EIF3A: variants seen among roughly 807,000 people sequenced by gnomAD.
EIF3A encodes eukaryotic translation initiation factor 3 subunit A, also known as EIF3, p180 subunit.
Under a neutral mutation model 186.6 loss-of-function variants are expected in EIF3A, and 21 were observed. That is an observed-to-expected ratio of 0.11 (90% CI 0.08 to 0.16). The LOEUF (loss-of-function observed/expected upper bound fraction) is 0.16, where lower values mean the gene tolerates loss of function less well. EIF3A is among the 10% of genes least tolerant of loss of function. The probability of loss-of-function intolerance (pLI) is 1.00; values close to 1 mark genes in which losing one functional copy is unlikely to be tolerated. For synonymous variants in EIF3A, 563 were observed against 584.3 expected (o/e 0.96, Z 0.52); for missense variants, 1,306 against 1,796.3 (o/e 0.73, Z 4.93).
chr10:119,065,593 T>C (rs762264700), intron 6 of EIF3A, 23 bp from the exon 7 acceptor site: 19 of 1,547,246 alleles, frequency 1.2e-5, no homozygotes, highest in Non-Finnish European at 1.7e-5. Context: ...AAGTTTTAAA[T>C]CTGTTAGGTT....
At chr10:119,053,806 C>T (rs557444612) in intron 14 of EIF3A, among the ~76,000 whole-genome samples, 12 of 152,332 alleles carry the variant, frequency 7.9e-5, no homozygotes, top group South Asian at 2.1e-4. Flanking sequence ...TGCTGTAGCT[C>T]CTCCATCAGC....
At chr10:119,075,879 ATTTTTTTTT>A (rs58100835) in intron 1 of EIF3A, among the ~76,000 whole-genome samples, 3 of 94,072 alleles carry the variant, frequency 3.2e-5, no homozygotes, top group Non-Finnish European at 6.0e-5. Context: ...CGCCTGGCTA[ATTTTTTTTT>A]TTTTTTTTTT....
intron 12 of EIF3A, 127 bp from the exon 13 acceptor site, chr10:119,057,167 T>C: frequency 3.2e-6 from 2 of 617,496 alleles, no homozygotes; most frequent in East Asian, 5.5e-5. Flanking sequence ...ATTTAGGAAA[T>C]GTAAAAATAT....
chr10:119,038,481 A>G, intron 19 of EIF3A, 42 bp from the exon 20 acceptor site: 1 of 1,525,310 alleles, frequency 6.6e-7, no homozygotes, highest in Non-Finnish European at 8.9e-7. Context: ...AATATTTTTA[A>G]AAGAAGAAAC....
At position 119,035,733 on chromosome 10, in the gene EIF3A, G is replaced by GTGTT. The variant is rs1416676851; in HGVS notation, c.*302_*305dup. On this transcript the variant is annotated 3_prime_UTR_variant, in exon 22 of 22. Transcript: ENST00000369144. The stretch of plus-strand genomic sequence containing the variant: ...GTATCAGTTCTATACCAAGATAAAG[G>GTGTT]TGTTACTCAATACCTGAAGGGTCAC... The GTGTT allele has an allele frequency of 1.2e-4, 30 of 260,230 alleles. No homozygotes were observed. Among genetic ancestry groups the GTGTT allele is most frequent in the Admixed American group, 3.9e-4 (8 of 20,520 alleles). 16.1% of individuals were successfully genotyped at this position (260,230 alleles called of 1,614,324 possible).
At chr10:119,068,161 T>G (rs1481696089) in intron 6 of EIF3A, among the ~76,000 whole-genome samples, 3 of 152,162 alleles carry the variant, frequency 2.0e-5, no homozygotes, top group African/African-American at 7.2e-5. Context: ...TACGTAACGT[T>G]AAAAATAATA....
Position 119,065,442 on chromosome 10 carries a change from C to T in EIF3A, c.1079G>A (p.Gly360Asp). The T allele has an allele frequency of 6.2e-7, 1 of 1,613,746 alleles. No homozygotes were observed. The highest frequency in any genetic ancestry group is 8.5e-7 in the Non-Finnish European group (1 of 1,179,754). ...AATTCGTGTCGGTGGGGCTTGAAGA[C>T]CTAGTAGTGTTGCAAGGCGACGCTG... ...EKQRRLATLL[G>D]LQAPPTRIGL... Residue 360 changes from glycine (G) to aspartate (D), a missense_variant, in exon 7 of 22, where the codon GGT (glycine) becomes GAT (aspartate). This residue lies in a region of EIF3A where 267 missense variants were observed against 367.8 expected (regional missense o/e 0.73). Transcript: ENST00000369144.
chr10:119,079,477 A>G (rs1407488667), intron 1 of EIF3A, among the ~76,000 whole-genome samples: 2 of 152,342 alleles, frequency 1.3e-5, no homozygotes, highest in African/African-American at 4.8e-5. Context: ...CTCACAAGGT[A>G]TATTCATCTA....
intron 20 of EIF3A, among the ~76,000 whole-genome samples, chr10:119,037,584 G>C (rs1848150332): frequency 6.6e-6 from 1 of 152,122 alleles, no homozygotes; most frequent in African/African-American, 2.4e-5. Flanking sequence ...TATTCTAAGT[G>C]CTTGGCTGCC....
At chr10:119,071,366 C>T (rs1179501466) in intron 4 of EIF3A, among the ~76,000 whole-genome samples, 2 of 151,894 alleles carry the variant, frequency 1.3e-5, no homozygotes, top group African/African-American at 2.4e-5. Context: ...CTAGGGGTCA[C>T]CTTTCAAAGA....
intron 17 of EIF3A, among the ~76,000 whole-genome samples, chr10:119,047,643 G>A (rs1436134648): frequency 2.0e-5 from 3 of 152,022 alleles, no homozygotes; most frequent in African/African-American, 7.2e-5. Flanking sequence ...ACAAAACAGC[G>A]CTGATTTCAT....
chr10:119,074,295 TC>T (rs1844121929), intron 1 of EIF3A, among the ~76,000 whole-genome samples: 2 of 152,032 alleles, frequency 1.3e-5, no homozygotes, highest in South Asian at 4.2e-4. Flanking sequence ...GTGAAACCCA[TC>T]CCTACCAAAA....
chr10:119,072,785 C>G, intron 4 of EIF3A, 105 bp downstream of exon 4: 1 of 1,370,558 alleles, frequency 7.3e-7, no homozygotes, highest in Admixed American at 2.2e-5. Context: ...TGAATGCCAA[C>G]ATTTCAATAA....
In EIF3A at chr10:119,073,922, C is replaced by T. The variant is rs867685192; in HGVS notation, c.65G>A (p.Gly22Asp). The change falls in exon 2 of 22, where the codon GGC becomes GAC. Residue 22 changes from glycine (G) to aspartate (D), a missense_variant. Gly to Asp is a moderately conservative substitution (Grantham distance 94). Coordinates refer to ENST00000369144, the MANE Select transcript of EIF3A (RefSeq NM_003750.4). ...LKRANEFLEV[G>D]KKQPALDVLY... ...AACATCCAGAGCAGGCTGCTTTTTGCCAACCTCAAGAAATTCTGAAAAATT... is the reference window on the plus strand; with the variant it reads ...AACATCCAGAGCAGGCTGCTTTTTGTCAACCTCAAGAAATTCTGAAAAATT... 3.1e-6 allele frequency: 5 copies of T among 1,593,184 alleles called. No homozygotes were observed. The highest frequency in any genetic ancestry group is 4.3e-6 in the Non-Finnish European group (5 of 1,170,798).
At chr10:119,053,144 A>G (rs1848380816) in intron 14 of EIF3A, among the ~76,000 whole-genome samples, 1 of 152,220 alleles carries the variant, frequency 6.6e-6, no homozygotes, top group Non-Finnish European at 1.5e-5. Flanking sequence ...GGGGCTTAAA[A>G]TATTCAGCAA....
intron 13 of EIF3A, 32 bp downstream of exon 13, chr10:119,056,904 T>C (rs367876310): frequency 6.3e-7 from 1 of 1,586,868 alleles, no homozygotes; most frequent in Non-Finnish European, 8.7e-7. Flanking sequence ...CTTAACTTGG[T>C]ATGTTAAAGG....
chr10:119,062,377 G>A (rs1290172919), intron 7 of EIF3A, among the ~76,000 whole-genome samples: 1 of 152,188 alleles, frequency 6.6e-6, no homozygotes, highest in East Asian at 1.9e-4. Flanking sequence ...TCTTAGGAAT[G>A]TTTGAGTCTT....
Position 119,060,784 on chromosome 10 carries a change from G to C in EIF3A, c.1288C>G (p.Gln430Glu). The C allele has an allele frequency of 6.2e-7, 1 of 1,611,784 alleles. No individual in the cohort carries two copies. Among genetic ancestry groups the C allele is most frequent in the Non-Finnish European group, 8.5e-7 (1 of 1,179,078 alleles). Residue 430 changes from glutamine to glutamate, a missense_variant, in exon 9 of 22, where the codon CAA becomes GAA. Transcript: ENST00000369144. ...CGGAGGATGGTGTTGTTTTGCAGTT[G>C]TGGCACATACTGCTGCAATTCCGGT... ...KEPELQQYVPQLQNNTILRLL... is the reference protein window; with the variant it reads ...KEPELQQYVPELQNNTILRLL...
intron 17 of EIF3A, among the ~76,000 whole-genome samples, chr10:119,046,231 C>CA (rs1848281549): frequency 1.3e-5 from 2 of 152,058 alleles, no homozygotes; most frequent in South Asian, 4.1e-4. Flanking sequence ...AGAGTAAGAC[C>CA]AAAATCCTCC....
Sources: gnomAD v4.1 joint callset for allele counts (sites outside exome capture counted in the v4.1 genomes callset) on GRCh38, gnomAD v4.1.1 for gene constraint, gnomAD v4.1.1 regional missense constraint, MANE v1.5 for transcripts, NCBI Gene and HGNC (gene_info 2026-07-23, HGNC 2026-07-21) for gene names.